PCDHA9: variants seen among roughly 807,000 people sequenced by gnomAD.
PCDHA9 encodes the protein protocadherin alpha-9.
Under a neutral mutation model 62.0 loss-of-function variants are expected in PCDHA9, and 62 were observed. The observed-to-expected ratio is 1.00, with a 90% CI of 0.81 to 1.23. The LOEUF (loss-of-function observed/expected upper bound fraction) is 1.23, where lower values mean the gene tolerates loss of function less well. Among genes scored for constraint, PCDHA9 ranks in the 50% most tolerant of loss-of-function variants. PCDHA9 has a pLI of 0.00. For synonymous variants in PCDHA9, 557 were observed against 567.6 expected, an observed-to-expected ratio of 0.98 and a Z score of 0.27; for missense variants, 1,205 against 1,249.8, an observed-to-expected ratio of 0.96 and a Z score of 0.54.
intron 1 of PCDHA9, among the ~76,000 whole-genome samples, chr5:140,938,842 G>T (rs2092225940): frequency 1.3e-5 from 2 of 151,980 alleles, no homozygotes; most frequent in African/African-American, 4.8e-5. Context: ...TAACAAACCT[G>T]CCCATGTACC....
rs574855184 is a variant in PCDHA9 at position 140,890,340 on chromosome 5, G to C, written c.2394+39451G>C. ...TTTAAGATATTAGGTAGTTGGGATG[G>C]TTTACTATATAGCAATGGATAACCT... On this transcript the variant is annotated intron_variant, in intron 1 of 3. Coordinates refer to ENST00000532602, the MANE Select transcript of PCDHA9 (RefSeq NM_031857.2). 9.1e-4 allele frequency among the ~76,000 whole-genome samples: 139 copies of C among 152,222 alleles called. 2 individuals are homozygous for C. The Middle Eastern group carries it at 0.017, about 19-fold the overall frequency.
rs1359393363 is a variant in PCDHA9 at position 140,850,806 on chromosome 5, G to A, written c.2311G>A (p.Ala771Thr). ...GGGTAAGCAGAAGACCGACCTCATG[G>A]CCTTCAGCCCGGGCCTTTCTCCTTG... ...GEGKQKTDLM[A>T]FSPGLSPCAG... The change falls in exon 1 of 4, where the codon GCC becomes ACC. Residue 771 changes from alanine to threonine, a missense_variant. This residue lies in a region of PCDHA9 where 887 missense variants were observed against 809.5 expected (regional missense o/e 1.10). Transcript: ENST00000532602. The A allele has an allele frequency of 1.3e-6, 2 of 1,598,276 alleles. No individual in the cohort carries two copies. Among genetic ancestry groups the A allele is most frequent in the Non-Finnish European group, 1.7e-6 (2 of 1,167,776 alleles).
chr5:140,926,793 G>T (rs2083556626), intron 1 of PCDHA9: 2 of 1,444,034 alleles, frequency 1.4e-6, no homozygotes, highest in Admixed American at 5.5e-5. Flanking sequence ...CGGCAGGAGC[G>T]TGCTCTTCCC....
chr5:140,862,618 C>A (rs532330556), intron 1 of PCDHA9: 10 of 526,556 alleles, frequency 1.9e-5, no homozygotes, highest in South Asian at 1.3e-4. Flanking sequence ...AGGTAACAAC[C>A]CGCGGGGCTG....
chr5:140,957,826 G>A (rs1282608668), intron 1 of PCDHA9, among the ~76,000 whole-genome samples: 3 of 151,106 alleles, frequency 2.0e-5, no homozygotes, highest in East Asian at 3.9e-4. Flanking sequence ...TTAAGAGAAA[G>A]TGTTAATTGA....
At chr5:140,980,076 G>A (rs2096875671) in intron 2 of PCDHA9, among the ~76,000 whole-genome samples, 1 of 152,214 alleles carries the variant, frequency 6.6e-6, no homozygotes, top group South Asian at 2.1e-4. Flanking sequence ...AAGGGCTGAA[G>A]ATTAGTAGTT....
chr5:140,993,819 G>A (rs2097583362), intron 3 of PCDHA9, among the ~76,000 whole-genome samples: 1 of 152,142 alleles, frequency 6.6e-6, no homozygotes, highest in Non-Finnish European at 1.5e-5. Context: ...AGGAGCAATA[G>A]GCTATACCAT....
chr5:141,000,173 C>T (rs2097895007), intron 3 of PCDHA9, among the ~76,000 whole-genome samples: 1 of 151,968 alleles, frequency 6.6e-6, no homozygotes, highest in Non-Finnish European at 1.5e-5. Flanking sequence ...ATTATTGAGC[C>T]AAGGAGTCAA....
intron 3 of PCDHA9, among the ~76,000 whole-genome samples, chr5:140,997,872 C>G (rs1053678533): frequency 6.6e-6 from 1 of 152,094 alleles, no homozygotes; most frequent in African/African-American, 2.4e-5. Context: ...TGCATGCTTG[C>G]TAGTATTTAT....
intron 1 of PCDHA9, among the ~76,000 whole-genome samples, chr5:140,947,229 G>GA (rs201242412): frequency 9.4e-5 from 14 of 148,904 alleles, no homozygotes; most frequent in South Asian, 2.1e-4. Context: ...TTTATGACAG[G>GA]AAAAAAAAAT....
At chr5:140,917,522 G>A (rs931609211) in intron 1 of PCDHA9, among the ~76,000 whole-genome samples, 1 of 152,144 alleles carries the variant, frequency 6.6e-6, no homozygotes, top group Non-Finnish European at 1.5e-5. Context: ...TTTATTCTAC[G>A]GTTTGTATAG....
rs782681619 is a variant in PCDHA9, at chr5:141,009,600, A to G, written c.2543-27A>G. On this transcript the variant is annotated intron_variant, in intron 3 of 3. Coordinates refer to ENST00000532602, the MANE Select transcript of PCDHA9 (RefSeq NM_031857.2). ...ATCAAGAGCATGTGTTGACCCTGTT[A>G]ATGATTTGTAATGTTTTGTCTTTCA... The G allele has an allele frequency of 1.9e-6, 3 of 1,607,002 alleles. No individual in the cohort carries two copies. In the Admixed American group the frequency reaches 5.0e-5, roughly 27 times the overall value.
intron 1 of PCDHA9, among the ~76,000 whole-genome samples, chr5:140,962,849 T>C (rs1434907172): frequency 6.6e-6 from 1 of 152,214 alleles, no homozygotes; most frequent in African/African-American, 2.4e-5. Context: ...ATATAACTTG[T>C]GCTCGGTTTG....
intron 1 of PCDHA9, among the ~76,000 whole-genome samples, chr5:140,949,857 G>A (rs1554219193): frequency 6.6e-6 from 1 of 151,520 alleles, no homozygotes; most frequent in East Asian, 1.9e-4. Context: ...CCGCTTATCT[G>A]TTGTCTTTTG....
chr5:140,926,769 G>T lies in PCDHA9; in HGVS notation c.2395-52180G>T, dbSNP rs1584462454. 7.3e-6 allele frequency: 10 copies of T among 1,360,582 alleles called. No individual in the cohort carries two copies. In the East Asian group the frequency reaches 2.4e-4, roughly 33 times the overall value. 84.3% of individuals were successfully genotyped at this position (1,360,582 alleles called of 1,614,324 possible). On this transcript the variant is annotated intron_variant, in intron 1 of 3. Coordinates refer to ENST00000532602, the MANE Select transcript of PCDHA9 (RefSeq NM_031857.2). ...TCGGCGGTCGCTGAGTATCCAGCCCGCAGCAGTGACGGCCGGCAGGAGCGT... is the reference window on the plus strand; with the variant it reads ...TCGGCGGTCGCTGAGTATCCAGCCCTCAGCAGTGACGGCCGGCAGGAGCGT...
At chr5:140,982,240 A>G (rs1257297614) in intron 2 of PCDHA9, 14 of 694,558 alleles carry the variant, frequency 2.0e-5, no homozygotes, top group Admixed American at 3.6e-5. Flanking sequence ...CAGAATTGCC[A>G]TAAAGATAGA....
chr5:140,857,656 G>C (rs1269090821), intron 1 of PCDHA9: 1 of 1,596,806 alleles, frequency 6.3e-7, no homozygotes, highest in Non-Finnish European at 8.6e-7. Flanking sequence ...AGGTGAGCGC[G>C]CGCGATGGGG....
At chr5:140,869,149 C>A in intron 1 of PCDHA9, 3 of 1,613,754 alleles carry the variant, frequency 1.9e-6, no homozygotes, top group Non-Finnish European at 2.5e-6. Flanking sequence ...ACGACTACAG[C>A]TCTGGCTTCT....
intron 1 of PCDHA9, among the ~76,000 whole-genome samples, chr5:140,933,480 G>A (rs1255769578): frequency 6.6e-6 from 1 of 151,846 alleles, no homozygotes; most frequent in East Asian, 1.9e-4. Context: ...ACACATTATG[G>A]TTATTCTTTA....
Sources: allele counts gnomAD v4.1 joint callset (sites outside exome capture counted in the v4.1 genomes callset), GRCh38; gene constraint gnomAD v4.1.1; regional missense constraint gnomAD v4.1.1; transcripts MANE v1.5; gene names NCBI Gene and HGNC (gene_info 2026-07-23, HGNC 2026-07-21).